Variants in ABCB5 observed in about 807,000 individuals in gnomAD.
The protein encoded by ABCB5 is ATP-binding cassette sub-family B member 5.
In ABCB5, 155 loss-of-function variants were observed where a neutral mutation model predicts 144.2. The observed-to-expected ratio is 1.08, with a 90% CI of 0.94 to 1.23. ABCB5 has a LOEUF of 1.23. Ranked by LOEUF, ABCB5 falls within the 50% of genes most tolerant of loss-of-function variation. The probability of loss-of-function intolerance (pLI) is 0.00; values close to 1 mark genes in which losing one functional copy is unlikely to be tolerated. For synonymous variants in ABCB5, 610 were observed against 528.6 expected, an observed-to-expected ratio of 1.15 and a Z score of -2.11; for missense variants, 1,830 against 1,520.8, an observed-to-expected ratio of 1.20 and a Z score of -3.38.
At chr7:20,662,335 C>A (rs1025236727) in intron 14 of ABCB5, among the ~76,000 whole-genome samples, 1 of 152,166 alleles carries the variant, frequency 6.6e-6, no homozygotes, top group Admixed American at 6.5e-5. Context: ...CCTCGGAGAC[C>A]TCTTATGTTG....
intron 20 of ABCB5, among the ~76,000 whole-genome samples, chr7:20,712,926 T>G (rs937521616): frequency 6.7e-6 from 1 of 149,802 alleles, no homozygotes; most frequent in African/African-American, 2.5e-5. Context: ...AAATCTATTT[T>G]CTTGGTAATT....
intron 13 of ABCB5, among the ~76,000 whole-genome samples, chr7:20,653,879 C>T (rs1057310762): frequency 4.6e-5 from 7 of 152,170 alleles, no homozygotes; most frequent in Admixed American, 2.0e-4. Flanking sequence ...GAAAGTGCAG[C>T]GCAGCTGGAA....
At chr7:20,661,965 G>C (rs1255400436) in intron 14 of ABCB5, among the ~76,000 whole-genome samples, 2 of 152,184 alleles carry the variant, frequency 1.3e-5, no homozygotes, top group Non-Finnish European at 2.9e-5. Flanking sequence ...GTTTCACTCT[G>C]CTACTTGTTT....
At chr7:20,710,036 T>G (rs112475034) in intron 20 of ABCB5, among the ~76,000 whole-genome samples, 6,413 of 141,338 alleles carry the variant, frequency 0.045, 784 homozygotes, top group African/African-American at 0.16. Context: ...CTGCACTCCA[T>G]CCTGGGCGAC....
intron 24 of ABCB5, among the ~76,000 whole-genome samples, chr7:20,740,257 T>A (rs760599224): frequency 1.4e-4 from 22 of 152,000 alleles, no homozygotes; most frequent in Non-Finnish European, 2.6e-4. Context: ...AATAAATAAA[T>A]ACAAAATAAA....
intron 20 of ABCB5, among the ~76,000 whole-genome samples, chr7:20,709,104 T>G (rs115223442): frequency 0.02 from 3,018 of 152,298 alleles, 96 homozygotes; most frequent in African/African-American, 0.068. Context: ...GATGTTACTC[T>G]CAACGTCTGT....
At chr7:20,701,780 T>C (rs1786639301) in intron 19 of ABCB5, among the ~76,000 whole-genome samples, 1 of 152,230 alleles carries the variant, frequency 6.6e-6, no homozygotes, top group South Asian at 2.1e-4. Flanking sequence ...TGTTATTAAA[T>C]ATCCCCATAA....
chr7:20,633,859 A>G (rs1784092544), intron 5 of ABCB5, among the ~76,000 whole-genome samples: 1 of 151,866 alleles, frequency 6.6e-6, no homozygotes, highest in African/African-American at 2.4e-5. Context: ...AGCCATGGCC[A>G]TTTGTGGCTA....
chr7:20,742,803 C>T (rs1782602407), intron 24 of ABCB5, 74 bp from the exon 25 acceptor site: 4 of 1,434,814 alleles, frequency 2.8e-6, no homozygotes, highest in Non-Finnish European at 3.9e-6. Flanking sequence ...TCAAAATGAA[C>T]TTGGCCAGTA....
intron 23 of ABCB5, among the ~76,000 whole-genome samples, chr7:20,731,228 C>T (rs1467692082): frequency 6.6e-6 from 1 of 151,686 alleles, no homozygotes; most frequent in Non-Finnish European, 1.5e-5. Context: ...GTGGTGGGCG[C>T]CTGTAATCCC....
intron 21 of ABCB5, 98 bp downstream of exon 21, chr7:20,723,317 G>C: frequency 8.2e-7 from 1 of 1,220,520 alleles, no homozygotes; most frequent in Admixed American, 2.0e-5. Context: ...CCATCTTTAT[G>C]ATATATTAAC....
At position 20,743,026 on chromosome 7, in the gene ABCB5, T is replaced by G; in HGVS notation, c.3174T>G (p.Thr1058=). ...GGAGCAGCGGCTGTGGGAAAAGCAC[T>G]TCTGTTCAACTTCTGCAGAGACTTT... ...FVGSSGCGKS[T]SVQLLQRLYD... is the part of the protein sequence containing the mutation. Residue 1058 remains threonine, a synonymous_variant, in exon 25 of 28, where the codon ACT becomes ACG. Coordinates refer to ENST00000404938, the MANE Select transcript of ABCB5 (RefSeq NM_001163941.2). 6.2e-7 allele frequency: 1 copy of G among 1,614,164 alleles called. No individual in the cohort carries two copies. Among genetic ancestry groups the G allele is most frequent in the Non-Finnish European group, 8.5e-7 (1 of 1,180,010 alleles).
intron 5 of ABCB5, among the ~76,000 whole-genome samples, chr7:20,638,299 A>T (rs1041714310): frequency 2.0e-5 from 3 of 152,182 alleles, no homozygotes; most frequent in Non-Finnish European, 4.4e-5. Flanking sequence ...GTATATTTAC[A>T]TGTATAGTGG....
chr7:20,713,029 T>C (rs1275876857), intron 20 of ABCB5, among the ~76,000 whole-genome samples: 1 of 149,508 alleles, frequency 6.7e-6, no homozygotes, highest in Non-Finnish European at 1.5e-5. Context: ...TTGTGTGTCC[T>C]TTTACCAACA....
chr7:20,630,887 T>C (rs995105208), intron 4 of ABCB5, among the ~76,000 whole-genome samples: 1 of 152,196 alleles, frequency 6.6e-6, no homozygotes, highest in African/African-American at 2.4e-5. Context: ...AGTTTCCTGG[T>C]TTTATTGAAT....
chr7:20,731,355 G>GAAAAAAA (rs869149519), intron 23 of ABCB5, among the ~76,000 whole-genome samples: 1 of 127,858 alleles, frequency 7.8e-6, no homozygotes, highest in African/African-American at 3.0e-5. Flanking sequence ...TCCAACTCAG[G>GAAAAAAA]AAAAAAAAAA....
At position 20,722,839 on chromosome 7, in the gene ABCB5, A is replaced by T. The variant is rs186344459; in HGVS notation, c.2422-177A>T. Among the ~76,000 whole-genome samples the T allele has an allele frequency of 2.9e-3, 446 of 152,192 alleles. 3 individuals are homozygous for T. Among genetic ancestry groups the T allele is most frequent in the Non-Finnish European group, 4.1e-3 (277 of 67,990 alleles). On this transcript the variant is annotated intron_variant, in intron 20 of 27. Coordinates refer to ENST00000404938, the MANE Select transcript of ABCB5 (RefSeq NM_001163941.2). ...TCCATCCCGGAAAAAAAAATAAAAT[A>T]AGTAAATAAATAAAAATATGTATCT...
Position 20,651,561 on chromosome 7 carries a change from G to A in ABCB5, c.1474G>A (p.Glu492Lys), listed in dbSNP as rs543061418. 9.3e-6 allele frequency: 15 copies of A among 1,614,102 alleles called. No individual in the cohort carries two copies. In the African/African-American group the frequency reaches 2.0e-4, roughly 22 times the overall value. Residue 492 changes from glutamate to lysine, a missense_variant, in exon 13 of 28, where the codon GAA (glutamate) becomes AAA (lysine). Coordinates refer to ENST00000404938, the MANE Select transcript of ABCB5 (RefSeq NM_001163941.2). ...GTATGGACGAGATGATGTGACTGAT[G>A]AAGAGATGGAGAGAGCAGCAAGGGA... ...IKYGRDDVTD[E>K]EMERAAREAN...
In ABCB5 at chr7:20,728,340, A is replaced by T. The variant is rs765620158; in HGVS notation, c.2752A>T (p.Ile918Phe). ...HRNTSKKAQI[I>F]GSCYAFSHAF... ...AAATACCTCGAAGAAAGCACAGATT[A>T]TTGGAAGCTGTTATGCATTCAGCCA... The change falls in exon 23 of 28, where the codon ATT (isoleucine) becomes TTT (phenylalanine). Residue 918 changes from isoleucine (I) to phenylalanine (F), a missense_variant. Ile to Phe is a conservative substitution (Grantham distance 21). Transcript: ENST00000404938. 7 of 1,614,146 alleles carry T rather than the reference A, an allele frequency of 4.3e-6. No homozygotes were observed. Among genetic ancestry groups the T allele is most frequent in the Non-Finnish European group, 5.9e-6 (7 of 1,179,994 alleles).
Sources: gnomAD v4.1 joint callset for allele counts (sites outside exome capture counted in the v4.1 genomes callset) on GRCh38, gnomAD v4.1.1 for gene constraint, MANE v1.5 for transcripts, NCBI Gene and HGNC (gene_info 2026-07-23, HGNC 2026-07-21) for gene names.